PAX3: variants seen among roughly 807,000 people sequenced by gnomAD.
The protein encoded by PAX3 is paired box 3.
In PAX3, 14 loss-of-function variants were observed where a neutral mutation model predicts 51.6. The ratio of observed to expected loss-of-function variants is 0.27; its 90% CI spans 0.18 to 0.42. The LOEUF is 0.42. Among genes scored for constraint, PAX3 ranks in the 10% least tolerant of loss-of-function variants. PAX3 has a pLI of 1.00. For missense variants in PAX3, 540 were observed against 642.8 expected (o/e 0.84, Z 1.73); for synonymous variants, 280 against 253.4 (o/e 1.11, Z -1.00).
chr2:222,281,733 G>A (rs1694654155), intron 4 of PAX3, among the ~76,000 whole-genome samples: 3 of 152,182 alleles, frequency 2.0e-5, no homozygotes, highest in Admixed American at 2.0e-4. Flanking sequence ...CAAACTATGA[G>A]CCTGATTCAA....
At position 222,200,766 on chromosome 2, in the gene PAX3, C is replaced by A. The variant is rs1691257319; in HGVS notation, c.*642G>T. On this transcript the variant is annotated 3_prime_UTR_variant, in exon 9 of 9. Coordinates refer to ENST00000392070, the MANE Select transcript of PAX3 (RefSeq NM_181458.4). The stretch of plus-strand genomic sequence containing the variant: ...AAGACATGTCCGGGCCATTTATTGA[C>A]AACTAGATTACAAATGAGGATACAG... The A allele has an allele frequency of 3.6e-6, 1 of 280,248 alleles. No individual in the cohort carries two copies. Among genetic ancestry groups the A allele is most frequent in the South Asian group, 8.1e-5 (1 of 12,416 alleles). 17.4% of individuals were successfully genotyped at this position (280,248 alleles called of 1,614,324 possible).
chr2:222,230,560 A>C (rs1692550922), intron 5 of PAX3, among the ~76,000 whole-genome samples: 1 of 151,986 alleles, frequency 6.6e-6, no homozygotes, highest in Non-Finnish European at 1.5e-5. Context: ...CTTAAAGTAT[A>C]ATTTTTTAAA....
intron 7 of PAX3, among the ~76,000 whole-genome samples, chr2:222,215,764 G>A (rs750386772): frequency 6.6e-6 from 1 of 152,028 alleles, no homozygotes; most frequent in African/African-American, 2.4e-5. Flanking sequence ...GGATGGAGGG[G>A]AAATAAATGG....
At chr2:222,244,814 C>T (rs901118506) in intron 4 of PAX3, among the ~76,000 whole-genome samples, 1 of 149,708 alleles carries the variant, frequency 6.7e-6, no homozygotes. Flanking sequence ...ATCAAAGTTA[C>T]TCAACTTCAC....
chr2:222,259,357 G>T (rs1165765316), intron 4 of PAX3, among the ~76,000 whole-genome samples: 1 of 152,132 alleles, frequency 6.6e-6, no homozygotes, highest in African/African-American at 2.4e-5. Flanking sequence ...GAATCACATT[G>T]CTTCTGCCTG....
chr2:222,265,669 A>AGGAAGGAAGGAG (rs1339545443), intron 4 of PAX3, among the ~76,000 whole-genome samples: 12 of 147,556 alleles, frequency 8.1e-5, no homozygotes, highest in South Asian at 2.2e-4. Context: ...GAAGGAAGGA[A>AGGAAGGAAGGAG]GGAAGGAAGG....
intron 4 of PAX3, among the ~76,000 whole-genome samples, chr2:222,241,059 T>A (rs1200000564): frequency 2.6e-5 from 4 of 152,182 alleles, no homozygotes; most frequent in Non-Finnish European, 5.9e-5. Context: ...AAATCAGTCA[T>A]AATTAAAATT....
intron 4 of PAX3, among the ~76,000 whole-genome samples, chr2:222,251,011 G>A (rs1008082805): frequency 1.3e-5 from 2 of 152,172 alleles, no homozygotes; most frequent in Non-Finnish European, 2.9e-5. Context: ...CACTTCCACT[G>A]TCCTCTAGAG....
intron 4 of PAX3, among the ~76,000 whole-genome samples, chr2:222,291,982 GT>G (rs1388386510): frequency 1.4e-5 from 2 of 146,932 alleles, no homozygotes; most frequent in African/African-American, 5.3e-5. Flanking sequence ...GTGTGTGTGT[GT>G]GTGTGTGTGT....
At chr2:222,253,085 G>A (rs1280208761) in intron 4 of PAX3, among the ~76,000 whole-genome samples, 1 of 152,142 alleles carries the variant, frequency 6.6e-6, no homozygotes, top group South Asian at 2.1e-4. Context: ...AGAGCAGCAA[G>A]CTTACCTACT....
chr2:222,261,738 A>C (rs928976609), intron 4 of PAX3, among the ~76,000 whole-genome samples: 3 of 152,230 alleles, frequency 2.0e-5, no homozygotes, highest in African/African-American at 7.2e-5. Flanking sequence ...GCACATTTGC[A>C]AATGCTTTTG....
At chr2:222,289,405 C>T (rs1348641637) in intron 4 of PAX3, among the ~76,000 whole-genome samples, 1 of 152,170 alleles carries the variant, frequency 6.6e-6, no homozygotes, top group Non-Finnish European at 1.5e-5. Flanking sequence ...AGCGGCCACA[C>T]TCCTATTCAC....
intron 4 of PAX3, among the ~76,000 whole-genome samples, chr2:222,291,444 C>A (rs1225096487): frequency 2.0e-5 from 3 of 152,214 alleles, no homozygotes. Context: ...CGGCTCAGCT[C>A]TTGAATTGAG....
chr2:222,290,941 G>A (rs1054339927), intron 4 of PAX3, among the ~76,000 whole-genome samples: 7 of 151,818 alleles, frequency 4.6e-5, no homozygotes, highest in African/African-American at 1.4e-4. Flanking sequence ...AAAAAAAGAG[G>A]AGAAGAAGGG....
intron 5 of PAX3, among the ~76,000 whole-genome samples, chr2:222,223,630 C>T (rs772572473): frequency 6.6e-6 from 1 of 152,160 alleles, no homozygotes; most frequent in Non-Finnish European, 1.5e-5. Context: ...TATTATAATA[C>T]GTCAAGACTA....
intron 4 of PAX3, chr2:222,293,959 GA>G: frequency 6.6e-7 from 1 of 1,524,432 alleles, no homozygotes; most frequent in South Asian, 1.3e-5. Flanking sequence ...TTACAAAACA[GA>G]AAAACTAAGC....
intron 4 of PAX3, among the ~76,000 whole-genome samples, chr2:222,260,553 TTTTTTTTTTTTGTTTTTTTTTTTTG>T (rs1301740183): frequency 2.6e-5 from 2 of 78,222 alleles, no homozygotes; most frequent in Non-Finnish European, 5.1e-5. Flanking sequence ...GCAACACAAG[TTTTTTTTTTTTGTTTTTTTTTTTTG>T]TTTTTTTTTT....
intron 4 of PAX3, among the ~76,000 whole-genome samples, chr2:222,290,512 A>G (rs1694990327): frequency 6.6e-6 from 1 of 152,176 alleles, no homozygotes; most frequent in African/African-American, 2.4e-5. Context: ...AAGGGAGGAA[A>G]GTCTTATGAG....
At chr2:222,253,633 C>CTTTTTTTTTTTTTTTTT (rs5838943) in intron 4 of PAX3, among the ~76,000 whole-genome samples, 3 of 146,476 alleles carry the variant, frequency 2.0e-5, no homozygotes, top group Non-Finnish European at 4.5e-5. Context: ...CAAAACTTTT[C>CTTTTTTTTTTTTTTTTT]TTTTTTTTTT....
Sources: gnomAD v4.1 joint callset for allele counts (sites outside exome capture counted in the v4.1 genomes callset) on GRCh38, gnomAD v4.1.1 for gene constraint, MANE v1.5 for transcripts, NCBI Gene and HGNC (gene_info 2026-07-23, HGNC 2026-07-21) for gene names.